SARAF: variants seen among roughly 807,000 people sequenced by gnomAD.
SARAF encodes the protein store-operated calcium entry-associated regulatory factor.
SARAF carries 23 observed loss-of-function variants against 39.7 expected under a neutral mutation model. The ratio of observed to expected loss-of-function variants is 0.58; its 90% CI spans 0.42 to 0.82. The LOEUF (loss-of-function observed/expected upper bound fraction) is 0.82, where lower values mean the gene tolerates loss of function less well. Ranked by LOEUF, SARAF falls within the 40% of genes least tolerant of loss-of-function variation. SARAF has a pLI of 0.00. For synonymous variants in SARAF, 175 were observed against 168.5 expected (o/e 1.04, Z -0.30); for missense variants, 384 against 418.5 (o/e 0.92, Z 0.72).
At chr8:30,077,424 G>T (rs1356554169) in intron 1 of SARAF, among the ~76,000 whole-genome samples, 1 of 151,822 alleles carries the variant, frequency 6.6e-6, no homozygotes, top group Non-Finnish European at 1.5e-5. Context: ...TCCAGCCTGG[G>T]TGATAGAGTG....
intron 2 of SARAF, among the ~76,000 whole-genome samples, chr8:30,071,810 A>G (rs753282362): frequency 4.6e-5 from 6 of 130,604 alleles, no homozygotes; most frequent in Non-Finnish European, 6.4e-5. Context: ...TGGCTAAATA[A>G]TATTTCTTTG....
At chr8:30,066,629 G>A in intron 4 of SARAF, 148 bp downstream of exon 4, 3 of 937,124 alleles carry the variant, frequency 3.2e-6, no homozygotes, top group Non-Finnish European at 4.8e-6. Flanking sequence ...AACAAATATA[G>A]TGTACCTTCC....
intron 3 of SARAF, among the ~76,000 whole-genome samples, chr8:30,068,640 G>T (rs1170602462): frequency 6.6e-6 from 1 of 151,340 alleles, no homozygotes; most frequent in Non-Finnish European, 1.5e-5. Context: ...AAAAAGGCTG[G>T]GGACTGGTGA....
intron 1 of SARAF, among the ~76,000 whole-genome samples, chr8:30,080,218 C>T (rs952364456): frequency 2.0e-5 from 3 of 152,212 alleles, no homozygotes; most frequent in African/African-American, 7.2e-5. Flanking sequence ...GCGGTCACCA[C>T]TCTAAGAACT....
chr8:30,070,593 G>A (rs752401244), intron 2 of SARAF, among the ~76,000 whole-genome samples: 10 of 152,026 alleles, frequency 6.6e-5, no homozygotes, highest in African/African-American at 1.7e-4. Context: ...ATGAGTATTC[G>A]TTTTATTACT....
rs146120374 is a variant in SARAF at position 30,069,216 on chromosome 8, CG to C, written c.700+425del. On this transcript the variant is annotated intron_variant, in intron 3 of 5. Transcript: ENST00000256255. ...GTGCAGTGGCGCAATCTCGGCTCAC[CG>C]CAACCTCCACCTCCCGGGTTCAAGT... Among the ~76,000 whole-genome samples, 709 of 148,574 alleles carry C rather than the reference CG, an allele frequency of 4.8e-3. 4 individuals carry two copies. The highest frequency in any genetic ancestry group is 0.017 in the African/African-American group (669 of 40,006).
chr8:30,082,799 C>A, intron 1 of SARAF, 48 bp downstream of exon 1: 1 of 1,404,156 alleles, frequency 7.1e-7, no homozygotes, highest in Non-Finnish European at 9.4e-7. Flanking sequence ...CGGCTGACGG[C>A]GGCGGAAAAG....
chr8:30,073,354 C>T (rs1157861614), intron 2 of SARAF, among the ~76,000 whole-genome samples: 2 of 152,224 alleles, frequency 1.3e-5, no homozygotes, highest in African/African-American at 4.8e-5. Flanking sequence ...AGGAGATGCT[C>T]TGCTCGTATA....
At chr8:30,072,704 G>T (rs184481627) in intron 2 of SARAF, among the ~76,000 whole-genome samples, 2 of 152,304 alleles carry the variant, frequency 1.3e-5, no homozygotes, top group African/African-American at 2.4e-5. Flanking sequence ...GCCAATGTAT[G>T]ATATGCTCAA....
chr8:30,077,101 AG>A (rs1363505418), intron 1 of SARAF, among the ~76,000 whole-genome samples: 1 of 152,218 alleles, frequency 6.6e-6, no homozygotes, highest in Non-Finnish European at 1.5e-5. Flanking sequence ...CATTTTTAAA[AG>A]GGATACTCAG....
rs1011415236 is a variant in SARAF, at chr8:30,082,829, G to T, written c.103+18C>A. On this transcript the variant is annotated intron_variant, in intron 1 of 5. Transcript: ENST00000256255. ...GAAAAGGGCGAACGAAGCGCCTGAG[G>T]GCCCTGGCAGCACTCACCAGGGTCG... 2.0e-6 allele frequency: 3 copies of T among 1,504,798 alleles called. No homozygotes were observed. The highest frequency in any genetic ancestry group is 2.7e-6 in the Non-Finnish European group (3 of 1,127,754). The allele number at this position is 1,504,798 out of a possible 1,614,324, so 93.2% of individuals were successfully genotyped here.
intron 5 of SARAF, 75 bp from the exon 6 acceptor site, chr8:30,063,988 C>A: frequency 7.8e-7 from 1 of 1,279,900 alleles, no homozygotes; most frequent in Non-Finnish European, 1.1e-6. Context: ...ACAAGTCATA[C>A]ATGTTTATTG....
At chr8:30,073,301 T>C (rs1374768070) in intron 2 of SARAF, among the ~76,000 whole-genome samples, 1 of 152,234 alleles carries the variant, frequency 6.6e-6, no homozygotes, top group Non-Finnish European at 1.5e-5. Flanking sequence ...TGAATTCATT[T>C]AATAAAATCT....
At chr8:30,067,175 C>A in intron 3 of SARAF, 2 of 408,210 alleles carry the variant, frequency 4.9e-6, no homozygotes, top group East Asian at 4.6e-5. Context: ...ATGACATCTG[C>A]CCTGCTCAAT....
chr8:30,076,692 T>C (rs1222210848), intron 1 of SARAF, among the ~76,000 whole-genome samples: 1 of 152,234 alleles, frequency 6.6e-6, no homozygotes, highest in East Asian at 1.9e-4. Context: ...AATGCTGTTC[T>C]TGCAGGACTG....
At chr8:30,081,144 A>C (rs1292178662) in intron 1 of SARAF, among the ~76,000 whole-genome samples, 1 of 152,228 alleles carries the variant, frequency 6.6e-6, no homozygotes, top group African/African-American at 2.4e-5. Context: ...TCTCAAAAAA[A>C]CAAAACAAAA....
chr8:30,079,569 T>C (rs563431055), intron 1 of SARAF, among the ~76,000 whole-genome samples: 2 of 152,320 alleles, frequency 1.3e-5, no homozygotes, highest in South Asian at 4.1e-4. Flanking sequence ...ATAAATTGAA[T>C]TTATTGTAAC....
At chr8:30,073,564 A>T (rs928123697) in intron 2 of SARAF, 24 of 221,602 alleles carry the variant, frequency 1.1e-4, no homozygotes, top group African/African-American at 4.1e-4. Flanking sequence ...TCTTTGAGGA[A>T]CGACAGGAAA....
In SARAF at chr8:30,083,031, C is replaced by G; in HGVS notation, c.-82G>C. The stretch of plus-strand genomic sequence containing the variant: ...CGGTAGCGCGCGCGACGCTGCGCAG[C>G]TACACCGCTACCCCTGGCGGCGGCG... On this transcript the variant is annotated 5_prime_UTR_variant, in exon 1 of 6. Transcript: ENST00000256255. 2 of 1,035,942 alleles carry G rather than the reference C, an allele frequency of 1.9e-6. No individual in the cohort carries two copies. Among genetic ancestry groups the G allele is most frequent in the South Asian group, 1.6e-5 (1 of 60,988 alleles). 64.2% of individuals were successfully genotyped at this position (1,035,942 alleles called of 1,614,324 possible). A position where few individuals can be genotyped will look rare whatever the true frequency, so the allele number is the denominator to read the frequency against.
Sources: allele counts gnomAD v4.1 joint callset (sites outside exome capture counted in the v4.1 genomes callset), GRCh38; gene constraint gnomAD v4.1.1; transcripts MANE v1.5; gene names NCBI Gene and HGNC (gene_info 2026-07-23, HGNC 2026-07-21).